Variants in DST observed in about 807,000 individuals in gnomAD.
DST encodes bullous pemphigoid antigen.
In DST, 253 loss-of-function variants were observed where a neutral mutation model predicts 875.2. The observed-to-expected ratio is 0.29, with a 90% CI of 0.26 to 0.32. DST has a LOEUF of 0.32. Among genes scored for constraint, DST ranks in the 10% least tolerant of loss-of-function variants. The pLI, the probability that DST is intolerant of heterozygous loss-of-function variation, is 1.00. For synonymous variants in DST, 3,124 were observed against 3,197.1 expected, an observed-to-expected ratio of 0.98 and a Z score of 0.77; for missense variants, 8,287 against 9,111.6, an observed-to-expected ratio of 0.91 and a Z score of 3.68.
intron 3 of DST, among the ~76,000 whole-genome samples, chr6:56,875,262 G>T (rs1465490522): frequency 6.6e-6 from 1 of 152,164 alleles, no homozygotes; most frequent in Non-Finnish European, 1.5e-5. Flanking sequence ...GGGATTACAG[G>T]CATGAGCCAC....
intron 79 of DST, 27 bp from the exon 80 acceptor site, chr6:56,501,262 A>G (rs2096112106): frequency 6.4e-7 from 1 of 1,558,068 alleles, no homozygotes. Flanking sequence ...AAGAAAATCC[A>G]TTTATAAATT....
At chr6:56,549,632 C>T (rs1037825827) in intron 61 of DST, among the ~76,000 whole-genome samples, 1 of 152,164 alleles carries the variant, frequency 6.6e-6, no homozygotes, top group Non-Finnish European at 1.5e-5. Flanking sequence ...ATCATCATCA[C>T]CCTTATCATA....
chr6:56,534,003 C>T (rs1191843418), intron 63 of DST, among the ~76,000 whole-genome samples: 1 of 151,784 alleles, frequency 6.6e-6, no homozygotes, highest in Non-Finnish European at 1.5e-5. Context: ...TGTATGTATA[C>T]ATTGTGGAAT....
At chr6:56,697,673 T>C (rs949342722) in intron 9 of DST, among the ~76,000 whole-genome samples, 1 of 152,192 alleles carries the variant, frequency 6.6e-6, no homozygotes, top group Non-Finnish European at 1.5e-5. Context: ...ATGCTTTCCA[T>C]TGCCCCAGTG....
chr6:56,917,075 A>ATAGCCCAC (rs1002826163), intron 2 of DST, among the ~76,000 whole-genome samples: 4 of 151,632 alleles, frequency 2.6e-5, no homozygotes, highest in Non-Finnish European at 5.9e-5. Flanking sequence ...AGAAACAGCA[A>ATAGCCCAC]TAGCCCACTG....
At chr6:56,509,196 G>A (rs766283116) in intron 74 of DST, among the ~76,000 whole-genome samples, 3 of 152,216 alleles carry the variant, frequency 2.0e-5, no homozygotes, top group African/African-American at 4.8e-5. Context: ...TTTCCACTAC[G>A]CACATGCTCT....
At chr6:56,814,684 T>C (rs891365353) in intron 4 of DST, among the ~76,000 whole-genome samples, 2 of 152,082 alleles carry the variant, frequency 1.3e-5, no homozygotes, top group Non-Finnish European at 2.9e-5. Flanking sequence ...AAGCAAACCC[T>C]GAAAAATGAA....
intron 61 of DST, among the ~76,000 whole-genome samples, chr6:56,539,508 A>T (rs1362150441): frequency 6.6e-6 from 1 of 152,188 alleles, no homozygotes; most frequent in Non-Finnish European, 1.5e-5. Context: ...ACCTATGAAG[A>T]GAGCCTTTCC....
intron 2 of DST, among the ~76,000 whole-genome samples, chr6:56,904,719 A>T (rs749140915): frequency 6.6e-6 from 1 of 152,104 alleles, no homozygotes; most frequent in Non-Finnish European, 1.5e-5. Context: ...AAAAAAAGCC[A>T]TGTCTTTTAA....
At chr6:56,701,181 C>T (rs2099303420) in intron 8 of DST, among the ~76,000 whole-genome samples, 2 of 151,824 alleles carry the variant, frequency 1.3e-5, no homozygotes, top group Non-Finnish European at 2.9e-5. Flanking sequence ...AAAAAAATTG[C>T]TGCCCCCTCT....
intron 4 of DST, among the ~76,000 whole-genome samples, chr6:56,771,002 A>T (rs2099658178): frequency 6.6e-6 from 1 of 150,890 alleles, no homozygotes; most frequent in Non-Finnish European, 1.5e-5. Flanking sequence ...TCCATCTCAA[A>T]AAAAAAAAAA....
intron 3 of DST, among the ~76,000 whole-genome samples, chr6:56,893,431 T>C (rs1304825365): frequency 1.3e-5 from 2 of 152,168 alleles, no homozygotes; most frequent in Non-Finnish European, 2.9e-5. Flanking sequence ...GGTCCCACAA[T>C]TTTGGAATTG....
intron 56 of DST, 122 bp from the exon 57 acceptor site, chr6:56,561,671 T>G (rs926897692): frequency 1.1e-6 from 1 of 899,512 alleles, no homozygotes; most frequent in Admixed American, 2.7e-5. Context: ...TTAAGCCTAG[T>G]AGATAAAGTC....
At chr6:56,662,497 C>T (rs929715455) in intron 10 of DST, among the ~76,000 whole-genome samples, 3 of 152,212 alleles carry the variant, frequency 2.0e-5, no homozygotes, top group Non-Finnish European at 4.4e-5. Flanking sequence ...CAAGTGCCTG[C>T]TGTAGAAATT....
intron 86 of DST, among the ~76,000 whole-genome samples, chr6:56,488,699 C>T (rs963961886): frequency 1.3e-5 from 2 of 152,098 alleles, no homozygotes; most frequent in Admixed American, 6.6e-5. Context: ...ATGTTTCAAG[C>T]GATAATTTAT....
intron 5 of DST, among the ~76,000 whole-genome samples, chr6:56,708,763 T>C (rs2152890052): frequency 6.6e-6 from 1 of 152,204 alleles, no homozygotes; most frequent in African/African-American, 2.4e-5. Flanking sequence ...GGGGAAAGAA[T>C]TGGGGTTCCA....
rs544129051 is a variant in DST at position 56,767,614 on chromosome 6, C to T, written c.626-32325G>A. Among the ~76,000 whole-genome samples the T allele has an allele frequency of 2.1e-3, 297 of 142,486 alleles. 1 individual carries two copies. Among genetic ancestry groups the T allele is most frequent in the African/African-American group, 7.6e-3 (289 of 38,216 alleles). The allele number at this position is 142,486 out of a possible 152,430, so 93.5% of individuals were successfully genotyped here. A position where few individuals can be genotyped will look rare whatever the true frequency, so the allele number is the denominator to read the frequency against. ...TGGGTGACAGAGCAAGACCCTGTCT[C>T]AAATAAATAAATAAATAAATAAATA... On this transcript the variant is annotated intron_variant, in intron 4 of 103. Transcript: ENST00000680361.
chr6:56,844,968 CT>C (rs1461900463), intron 4 of DST, among the ~76,000 whole-genome samples: 3 of 151,944 alleles, frequency 2.0e-5, no homozygotes, highest in African/African-American at 4.8e-5. Context: ...CTGAGACTCT[CT>C]TCATCAGTAA....
chr6:56,690,135 G>A (rs185571436), intron 9 of DST, among the ~76,000 whole-genome samples: 1 of 152,202 alleles, frequency 6.6e-6, no homozygotes, highest in East Asian at 1.9e-4. Context: ...TAAAACAAGT[G>A]GGATGTCGTG....
Sources: gnomAD v4.1 joint callset for allele counts (sites outside exome capture counted in the v4.1 genomes callset) on GRCh38, gnomAD v4.1.1 for gene constraint, MANE v1.5 for transcripts, NCBI Gene and HGNC (gene_info 2026-07-23, HGNC 2026-07-21) for gene names.